Variants in CNOT1 observed in about 807,000 individuals in gnomAD.
The protein encoded by CNOT1 is CCR4-NOT transcription complex subunit 1, also known as CCR4-associated factor 1.
A neutral mutation model predicts 273.8 loss-of-function variants in CNOT1; 15 were observed. That is an observed-to-expected ratio of 0.05 (90% CI 0.04 to 0.08). The LOEUF is 0.08. Ranked by LOEUF, CNOT1 falls within the 10% of genes least tolerant of loss-of-function variation. CNOT1 has a pLI of 1.00. For synonymous variants in CNOT1, 1,022 were observed against 1,005.5 expected (o/e 1.02, Z -0.31); for missense variants, 1,644 against 2,912.2 (o/e 0.56, Z 10.02).
intron 45 of CNOT1, 80 bp from the exon 46 acceptor site, chr16:58,525,439 T>C (rs954802512): frequency 6.5e-6 from 8 of 1,237,768 alleles, no homozygotes; most frequent in Admixed American, 2.2e-5. Context: ...TAAACCCTTC[T>C]TACACCTTCA....
At chr16:58,582,484 A>C (rs923968694) in intron 10 of CNOT1, among the ~76,000 whole-genome samples, 6 of 152,180 alleles carry the variant, frequency 3.9e-5, no homozygotes, top group Non-Finnish European at 7.4e-5. Context: ...AAGCCCTTCA[A>C]TATTTTAGTA....
chr16:58,609,682 G>A (rs915634857), intron 1 of CNOT1, among the ~76,000 whole-genome samples: 8 of 151,978 alleles, frequency 5.3e-5, no homozygotes, highest in African/African-American at 1.9e-4. Flanking sequence ...AAGCTGGTCT[G>A]GAACTCCTGA....
intron 40 of CNOT1, 113 bp from the exon 41 acceptor site, chr16:58,532,508 T>C: frequency 6.9e-7 from 1 of 1,458,556 alleles, no homozygotes; most frequent in Non-Finnish European, 9.1e-7. Context: ...GGAAAGCATA[T>C]ATACAATTTG....
rs116390045 is a variant in CNOT1, at chr16:58,609,703, T to A, written c.-174-10192A>T. Among the ~76,000 whole-genome samples the A allele has an allele frequency of 3.3e-3, 502 of 152,018 alleles. 3 individuals are homozygous for A. Among genetic ancestry groups the A allele is most frequent in the African/African-American group, 0.011 (469 of 41,482 alleles). ...GTCTGGAACTCCTGAGCTCAAGTAA[T>A]CCTCCCACCTCAGCCACCCAAGGTG... On this transcript the variant is annotated intron_variant, in intron 1 of 48. Coordinates refer to ENST00000317147, the MANE Select transcript of CNOT1 (RefSeq NM_016284.5).
Position 58,525,971 on chromosome 16 carries a change from T to TA in CNOT1, c.6603+17dup. On this transcript the variant is annotated intron_variant, in intron 45 of 48. Coordinates refer to ENST00000317147, the MANE Select transcript of CNOT1 (RefSeq NM_016284.5). ...TTATATGGAAGACGTAGATGAGTTTTAAGCCAAACCAATTAACCTGTAGGT... is the reference window on the plus strand; with the variant it reads ...TTATATGGAAGACGTAGATGAGTTTTAAAGCCAAACCAATTAACCTGTAGGT... The TA allele has an allele frequency of 6.2e-7, 1 of 1,612,282 alleles. No individual in the cohort carries two copies. Among genetic ancestry groups the TA allele is most frequent in the Non-Finnish European group, 8.5e-7 (1 of 1,178,482 alleles).
At chr16:58,543,393 CGT>C in intron 31 of CNOT1, 2 of 1,515,920 alleles carry the variant, frequency 1.3e-6, no homozygotes, top group Non-Finnish European at 1.8e-6. Context: ...TGTCAAACAT[CGT>C]GTTGAGAATA....
At position 58,547,376 on chromosome 16, in the gene CNOT1, C is replaced by A; in HGVS notation, c.3640-80G>T. On this transcript the variant is annotated intron_variant, in intron 26 of 48. Transcript: ENST00000317147. This position sits in a 1 kb window ranked among gnomAD's most constrained non-coding sequence, Gnocchi z 4.0. ...AACAAAACCAAAGAAAAGTATTTTG[C>A]CAAGCTTATCCCCAAAACAGGAATC... The A allele has an allele frequency of 2.0e-5, 32 of 1,575,116 alleles. No homozygotes were observed. The highest frequency in any genetic ancestry group is 2.8e-5 in the Non-Finnish European group (32 of 1,159,426).
intron 16 of CNOT1, among the ~76,000 whole-genome samples, chr16:58,568,316 C>T (rs985464284): frequency 2.7e-5 from 4 of 150,838 alleles, no homozygotes; most frequent in Admixed American, 6.6e-5. Flanking sequence ...TGCAGTGAGC[C>T]GAGATTGTGC....
At position 58,541,549 on chromosome 16, in the gene CNOT1, A is replaced by C. The variant is rs371694469; in HGVS notation, c.4752T>G (p.Pro1584=). The stretch of plus-strand genomic sequence containing the variant: ...CCGTGGGCTGACTTAAGTCATTTGT[A>C]GGTAAGAAGCCAGGAACATTGCGTG... ...EFARNVPGFL[P]TNDLSQPTGF... Residue 1584 remains proline, a synonymous_variant, in exon 34 of 49, where the codon CCT becomes CCG. Transcript: ENST00000317147. 1 of 1,614,102 alleles carries C rather than the reference A, an allele frequency of 6.2e-7. No individual in the cohort carries two copies. The highest frequency in any genetic ancestry group is 1.7e-5 in the Admixed American group (1 of 60,032).
chr16:58,541,109 G>A (rs1266431972), intron 34 of CNOT1, among the ~76,000 whole-genome samples: 7 of 152,216 alleles, frequency 4.6e-5, no homozygotes, highest in African/African-American at 1.7e-4. Context: ...GGAGGCTGAG[G>A]TGGGAGGATC....
At position 58,599,529 on chromosome 16, in the gene CNOT1, C is replaced by T; in HGVS notation, c.-174-18G>A. 2 of 627,720 alleles carry T rather than the reference C, an allele frequency of 3.2e-6. No homozygotes were observed. The highest frequency in any genetic ancestry group is 2.9e-5 in the South Asian group (1 of 34,506). The allele number at this position is 627,720 out of a possible 1,614,324, so 38.9% of individuals were successfully genotyped here. A position where few individuals can be genotyped will look rare whatever the true frequency, so the allele number is the denominator to read the frequency against. ...CATGGCACCTGTTTAAAAAAACACA[C>T]ACACACAAATCCAGATTTTTAAATT... On this transcript the variant is annotated intron_variant, in intron 1 of 48. Transcript: ENST00000317147.
At chr16:58,534,420 A>G (rs780480782) in intron 39 of CNOT1, 25 bp from the exon 40 acceptor site, 3 of 1,609,216 alleles carry the variant, frequency 1.9e-6, no homozygotes, top group Non-Finnish European at 2.5e-6. Flanking sequence ...AAAAATAAAG[A>G]CACAATGAGG....
intron 16 of CNOT1, among the ~76,000 whole-genome samples, chr16:58,574,046 T>C (rs368989954): frequency 2.6e-5 from 4 of 151,542 alleles, no homozygotes; most frequent in East Asian, 3.9e-4. Flanking sequence ...AGCCCGGGAG[T>C]TTGAGATCAG....
At chr16:58,533,923 A>G (rs2039853557) in intron 40 of CNOT1, among the ~76,000 whole-genome samples, 1 of 152,078 alleles carries the variant, frequency 6.6e-6, no homozygotes, top group East Asian at 1.9e-4. Flanking sequence ...CGAGGCCAGA[A>G]GTTTGAGACC....
intron 43 of CNOT1, 118 bp from the exon 44 acceptor site, chr16:58,528,766 T>C: frequency 3.2e-6 from 2 of 625,036 alleles, no homozygotes; most frequent in Non-Finnish European, 2.7e-6. Context: ...TAGTAACATT[T>C]CTTAAAAAGT....
chr16:58,549,642 C>G, intron 25 of CNOT1, 77 bp downstream of exon 25: 1 of 1,500,714 alleles, frequency 6.7e-7, no homozygotes, highest in Non-Finnish European at 8.8e-7. Context: ...GGAAAAATAG[C>G]AAAAATCCTA....
intron 4 of CNOT1, 100 bp from the exon 5 acceptor site, chr16:58,587,513 G>A: frequency 1.3e-6 from 2 of 1,499,704 alleles, no homozygotes; most frequent in South Asian, 1.2e-5. Context: ...CATAGGAGTT[G>A]CTTAATTCTG....
At chr16:58,589,148 C>T (rs903498586) in intron 2 of CNOT1, among the ~76,000 whole-genome samples, 1 of 152,112 alleles carries the variant, frequency 6.6e-6, no homozygotes, top group Non-Finnish European at 1.5e-5. Context: ...AGCGTCTTCT[C>T]GCTTCATCCT....
rs568070524 is a variant in CNOT1 at position 58,554,806 on chromosome 16, C to T, written c.2891+445G>A. Among the ~76,000 whole-genome samples, 63 of 151,894 alleles carry T rather than the reference C, an allele frequency of 4.1e-4. No individual in the cohort carries two copies. The South Asian group carries it at 4.8e-3, about 12-fold the overall frequency. ...CAAAAATTAGCTGGGTGCAGTGGCA[C>T]GCGTCTGTAATCCCAGCTACTTGAG... On this transcript the variant is annotated intron_variant, in intron 21 of 48. Transcript: ENST00000317147.
Sources: gnomAD v4.1 joint callset for allele counts (sites outside exome capture counted in the v4.1 genomes callset) on GRCh38, gnomAD v4.1.1 for gene constraint, Gnocchi (gnomAD v3.1) non-coding constraint, MANE v1.5 for transcripts, NCBI Gene and HGNC (gene_info 2026-07-23, HGNC 2026-07-21) for gene names.